MET: variants seen among roughly 807,000 people sequenced by gnomAD.
MET encodes the protein MET proto-oncogene, receptor tyrosine kinase.
Under a neutral mutation model 133.1 loss-of-function variants are expected in MET, and 48 were observed. The ratio of observed to expected loss-of-function variants is 0.36; its 90% CI spans 0.29 to 0.46. MET has a LOEUF of 0.46. Ranked by LOEUF, MET falls within the 20% of genes least tolerant of loss-of-function variation. The probability of loss-of-function intolerance (pLI) is 1.00; values close to 1 mark genes in which losing one functional copy is unlikely to be tolerated. For synonymous variants in MET, 628 were observed against 616.5 expected, an observed-to-expected ratio of 1.02 and a Z score of -0.28; for missense variants, 1,442 against 1,695.9, an observed-to-expected ratio of 0.85 and a Z score of 2.63.
At chr7:116,778,243 C>T (rs945202324) in intron 16 of MET, among the ~76,000 whole-genome samples, 1 of 152,172 alleles carries the variant, frequency 6.6e-6, no homozygotes, top group African/African-American at 2.4e-5. Flanking sequence ...CACATGCTTG[C>T]GTTTTCTACT....
In MET at chr7:116,706,047, C is replaced by T. The variant is rs144672186; in HGVS notation, c.1200+5763C>T. 2.0e-5 allele frequency among the ~76,000 whole-genome samples: 3 copies of T among 152,100 alleles called. No individual in the cohort carries two copies. In the East Asian group the frequency reaches 5.8e-4, roughly 29 times the overall value. ...GGCTCATTCACAAGTCTCTCTACCC[C>T]AGGAAAGATGAAAAAGCAAAGGCAT... On this transcript the variant is annotated intron_variant, in intron 2 of 20. Coordinates refer to ENST00000397752, the MANE Select transcript of MET (RefSeq NM_000245.4).
At chr7:116,716,284 GGAGAGAGAGA>G (rs564115135) in intron 2 of MET, among the ~76,000 whole-genome samples, 801 of 38,032 alleles carry the variant, frequency 0.021, 11 homozygotes, top group African/African-American at 0.034. Flanking sequence ...AGGGAGAGAG[GGAGAGAGAGA>G]GAGAGAGAGA....
intron 6 of MET, among the ~76,000 whole-genome samples, chr7:116,756,723 A>T (rs1476137150): frequency 6.6e-6 from 1 of 152,204 alleles, no homozygotes; most frequent in Non-Finnish European, 1.5e-5. Flanking sequence ...TAACCACAGA[A>T]ATGTACCTGT....
Position 116,790,215 on chromosome 7 carries a change from A to T in MET, c.3799-5440A>T, listed in dbSNP as rs567994951. On this transcript the variant is annotated intron_variant, in intron 19 of 20. Transcript: ENST00000397752. ...CTATGTGAACATTGTTGTGCAATAG[A>T]TTCCTAGAACTTTTTCATCTTAGCA... 2.6e-5 allele frequency among the ~76,000 whole-genome samples: 4 copies of T among 152,336 alleles called. No homozygotes were observed. In the South Asian group the frequency reaches 8.3e-4, roughly 32 times the overall value.
At chr7:116,784,584 C>G (rs1271476358) in intron 19 of MET, among the ~76,000 whole-genome samples, 1 of 152,160 alleles carries the variant, frequency 6.6e-6, no homozygotes, top group Non-Finnish European at 1.5e-5. Context: ...ACAACCAGAT[C>G]TCCTGAGAAC....
chr7:116,746,847 G>T lies in MET; in HGVS notation c.1701+5822G>T, dbSNP rs1793709903. ...CTAAGTAAATGACAAGTTAATGGGT[G>T]CAGCACACCAACATGCACATGTATA... On this transcript the variant is annotated intron_variant, in intron 5 of 20. Coordinates refer to ENST00000397752, the MANE Select transcript of MET (RefSeq NM_000245.4). Among the ~76,000 whole-genome samples the T allele has an allele frequency of 3.9e-5, 6 of 152,176 alleles. No individual in the cohort carries two copies. In the South Asian group the frequency reaches 1.2e-3, roughly 32 times the overall value.
intron 4 of MET, 80 bp downstream of exon 4, chr7:116,740,164 T>C: frequency 1.3e-6 from 2 of 1,505,746 alleles, no homozygotes; most frequent in African/African-American, 2.7e-5. Flanking sequence ...CTTGGCCCTT[T>C]ATAATGTCTC....
intron 1 of MET, among the ~76,000 whole-genome samples, chr7:116,674,681 G>C (rs967945824): frequency 2.0e-5 from 3 of 152,268 alleles, no homozygotes; most frequent in Non-Finnish European, 4.4e-5. Flanking sequence ...CACCCCCATG[G>C]TGAGCACAGT....
At chr7:116,716,505 G>GAA (rs1031644246) in intron 2 of MET, among the ~76,000 whole-genome samples, 3 of 149,820 alleles carry the variant, frequency 2.0e-5, no homozygotes, top group African/African-American at 7.4e-5. Context: ...AAGAAAGAAA[G>GAA]AAAGAAAGAA....
rs575507752 is a variant in MET, at chr7:116,700,564, G to A, written c.1200+280G>A. Among the ~76,000 whole-genome samples the A allele has an allele frequency of 4.6e-5, 7 of 152,166 alleles. No individual in the cohort carries two copies. In the South Asian group the frequency reaches 1.2e-3, roughly 27 times the overall value. ...TATATTAAAGTTATTTCCCATATAAGCTTTTTTATATTTACACAGATTTTA... is the reference window on the plus strand; with the variant it reads ...TATATTAAAGTTATTTCCCATATAAACTTTTTTATATTTACACAGATTTTA... On this transcript the variant is annotated intron_variant, in intron 2 of 20. Transcript: ENST00000397752.
In MET at chr7:116,782,030, G is replaced by T; in HGVS notation, c.3565G>T (p.Ala1189Ser). 6.2e-7 allele frequency: 1 copy of T among 1,613,858 alleles called. No homozygotes were observed. The highest frequency in any genetic ancestry group is 1.1e-5 in the South Asian group (1 of 91,054). Residue 1189 changes from alanine to serine, a missense_variant, in exon 18 of 21, where the codon GCC becomes TCC. Around this residue, in one of 6 missense-constraint regions of MET, gnomAD observed 514 missense variants for 659.6 expected, o/e 0.78. Transcript: ENST00000397752. ...TCTTATTGGCTTTGGTCTTCAAGTA[G>T]CCAAAGGCATGAAATATCTTGCAAG... ...KDLIGFGLQV[A>S]KGMKYLASKK...
At chr7:116,745,975 C>T (rs577397101) in intron 5 of MET, among the ~76,000 whole-genome samples, 1 of 152,196 alleles carries the variant, frequency 6.6e-6, no homozygotes, top group South Asian at 2.1e-4. Flanking sequence ...AAAGAAACTA[C>T]CATCAGAGTG....
intron 2 of MET, among the ~76,000 whole-genome samples, chr7:116,714,841 A>C (rs1323170004): frequency 3.9e-5 from 6 of 152,026 alleles, no homozygotes; most frequent in Admixed American, 6.6e-5. Flanking sequence ...TTCCCAAAAA[A>C]CATGTGCCAA....
Position 116,770,552 on chromosome 7 carries a change from T to G in MET, c.2730+761T>G, listed in dbSNP as rs1282492265. On this transcript the variant is annotated intron_variant, in intron 12 of 20. Transcript: ENST00000397752. Reference sequence around the variant, plus strand: ...TTTTCGTCACCCCAAACAGATACTCTATAACCAATAAGCAGCAGCTCCACA... The same window carrying G: ...TTTTCGTCACCCCAAACAGATACTCGATAACCAATAAGCAGCAGCTCCACA... Among the ~76,000 whole-genome samples the G allele has an allele frequency of 5.3e-5, 8 of 152,222 alleles. No individual in the cohort carries two copies. In the East Asian group the frequency reaches 1.5e-3, roughly 29 times the overall value.
intron 2 of MET, among the ~76,000 whole-genome samples, chr7:116,717,814 A>G (rs1045222640): frequency 3.9e-5 from 6 of 152,252 alleles, no homozygotes; most frequent in Non-Finnish European, 2.9e-5. Context: ...ATATAATTAC[A>G]TATTCACTGC....
Position 116,699,857 on chromosome 7 carries a change from T to C in MET, c.773T>C (p.Phe258Ser). 6.2e-7 allele frequency: 1 copy of C among 1,614,126 alleles called. No homozygotes were observed. The highest frequency in any genetic ancestry group is 8.5e-7 in the Non-Finnish European group (1 of 1,179,978). The change falls in exon 2 of 21, where the codon TTT becomes TCT. Residue 258 changes from phenylalanine to serine, a missense_variant. This residue lies in a region of MET where 762 missense variants were observed against 792.4 expected (regional missense o/e 0.96). Transcript: ENST00000397752. ...KYVHAFESNN[F>S]IYFLTVQRET... Reference sequence around the variant, plus strand: ...GTCCATGCCTTTGAAAGCAACAATTTTATTTACTTCTTGACGGTCCAAAGG... The same window carrying C: ...GTCCATGCCTTTGAAAGCAACAATTCTATTTACTTCTTGACGGTCCAAAGG...
chr7:116,753,724 A>G (rs1794018920), intron 5 of MET, among the ~76,000 whole-genome samples: 2 of 152,240 alleles, frequency 1.3e-5, no homozygotes, highest in Non-Finnish European at 2.9e-5. Flanking sequence ...TAAAAGAAAC[A>G]ACATAACACA....
At chr7:116,692,888 C>A (rs1214919132) in intron 1 of MET, among the ~76,000 whole-genome samples, 1 of 152,140 alleles carries the variant, frequency 6.6e-6, no homozygotes, top group Non-Finnish European at 1.5e-5. Flanking sequence ...TTTACGTGTT[C>A]CTTTTAGCAG....
chr7:116,679,160 C>T (rs4330631), intron 1 of MET, among the ~76,000 whole-genome samples: 89,187 of 151,460 alleles, frequency 0.59, 27,664 homozygotes, highest in African/African-American at 0.78. Flanking sequence ...AAATATTCAT[C>T]ATTTTATTCT....
Sources: gnomAD v4.1 joint callset for allele counts (sites outside exome capture counted in the v4.1 genomes callset) on GRCh38, gnomAD v4.1.1 for gene constraint, gnomAD v4.1.1 regional missense constraint, MANE v1.5 for transcripts, NCBI Gene and HGNC (gene_info 2026-07-23, HGNC 2026-07-21) for gene names.